The following TIGD6 variants were observed in gnomAD, a reference collection of about 807,000 sequenced individuals.
TIGD6 encodes the protein tigger transposable element-derived protein 6.
A neutral mutation model predicts 2.6 loss-of-function variants in TIGD6; 1 was observed. The observed-to-expected ratio is 0.39, with a 90% CI of 0.14 to 1.85. The LOEUF is 1.85. Among genes scored for constraint, TIGD6 ranks in the 40% most tolerant of loss-of-function variants. TIGD6 has a pLI of 0.32. For synonymous variants in TIGD6, 193 were observed against 221.9 expected, an observed-to-expected ratio of 0.87 and a Z score of 1.16; for missense variants, 601 against 634.2, an observed-to-expected ratio of 0.95 and a Z score of 0.56.
intron 1 of TIGD6, among the ~76,000 whole-genome samples, chr5:149,997,367 G>A (rs562885747): frequency 1.5e-4 from 23 of 152,056 alleles, no homozygotes; most frequent in African/African-American, 2.4e-4. Context: ...GCGAAACTCC[G>A]ATTCTACTAA....
In TIGD6 at chr5:149,995,371, G is replaced by A. The variant is rs1192462284; in HGVS notation, c.978C>T (p.Tyr326=). The A allele has an allele frequency of 6.2e-7, 1 of 1,614,202 alleles. No homozygotes were observed. The highest frequency in any genetic ancestry group is 1.3e-5 in the African/African-American group (1 of 75,042). The part of the protein sequence containing the change: ...LGIIHTMKVL[Y]QSHLLKQILL... ...GGATCTGTTTTAGAAGGTGGCTCTG[G>A]TACAGTACTTTCATGGTGTGAATTA... The change falls in exon 2 of 2, where the codon TAC becomes TAT. Residue 326 remains tyrosine (Y), a synonymous_variant. Coordinates refer to ENST00000296736, the MANE Select transcript of TIGD6 (RefSeq NM_030953.4).
Position 149,994,688 on chromosome 5 carries a change from G to T in TIGD6, c.*95C>A. 1 of 1,227,778 alleles carries T rather than the reference G, an allele frequency of 8.1e-7. No homozygotes were observed. The highest frequency in any genetic ancestry group is 1.5e-5 in the African/African-American group (1 of 65,792). The allele number at this position is 1,227,778 out of a possible 1,614,324, so 76.1% of individuals were successfully genotyped here. A position where few individuals can be genotyped will look rare whatever the true frequency, so the allele number is the denominator to read the frequency against. ...GGCTATTTCAGAGTACTGGAATGTT[G>T]TCACAATAACATTGCTTTACTTAAA... On this transcript the variant is annotated 3_prime_UTR_variant, in exon 2 of 2. Coordinates refer to ENST00000296736, the MANE Select transcript of TIGD6 (RefSeq NM_030953.4).
chr5:149,994,808 AT>A lies in TIGD6; in HGVS notation c.1540del (p.Ile514LeufsTer22), dbSNP rs1755336197. The A allele has an allele frequency of 1.3e-6, 2 of 1,527,490 alleles. No individual in the cohort carries two copies. Among genetic ancestry groups the A allele is most frequent in the Non-Finnish European group, 1.8e-6 (2 of 1,138,012 alleles). 94.6% of individuals were successfully genotyped at this position (1,527,490 alleles called of 1,614,324 possible). ...TTATTTTGTTTGGAGGAAATCTGTA[AT>A]TTTGGAATCAATAAGGGTTTGTGTC... is the stretch of plus-strand genomic sequence containing the variant. ...RVTQTLIDSK[I>X]TDFLQTK On this transcript the variant is annotated frameshift_variant, in exon 2 of 2. Transcript: ENST00000296736. LOFTEE classifies it high-confidence loss of function.
Position 149,995,987 on chromosome 5 carries a change from A to C in TIGD6, c.362T>G (p.Val121Gly). Residue 121 changes from valine (V) to glycine (G), a missense_variant, in exon 2 of 2, where the codon GTG (valine) becomes GGG (glycine). Transcript: ENST00000296736. ...MLGYDNFQAS[V>G]GWLNRFRDRH... is the part of the protein sequence containing the mutation. ...ATCTCTAAATCTGTTCAGCCAGCCC[A>C]CACTTGCTTGAAAATTGTCATAGCC... 1.2e-6 allele frequency: 2 copies of C among 1,611,182 alleles called. No homozygotes were observed. The highest frequency in any genetic ancestry group is 1.7e-6 in the Non-Finnish European group (2 of 1,180,026).
rs1485358322 is a variant in TIGD6, at chr5:150,000,620, G to C, written c.-228C>G. 6.5e-6 allele frequency: 1 copy of C among 154,674 alleles called. No individual in the cohort carries two copies. 9.6% of individuals were successfully genotyped at this position (154,674 alleles called of 1,614,324 possible). ...CGCTCCAAGCCTTTGAGCAGTTCGTGTGGGTCCGCTCCCAAGCTAGGGCTG... is the reference window on the plus strand; with the variant it reads ...CGCTCCAAGCCTTTGAGCAGTTCGTCTGGGTCCGCTCCCAAGCTAGGGCTG... On this transcript the variant is annotated 5_prime_UTR_variant, in exon 1 of 2. Coordinates refer to ENST00000296736, the MANE Select transcript of TIGD6 (RefSeq NM_030953.4).
At chr5:149,998,255 G>T (rs552159160) in intron 1 of TIGD6, among the ~76,000 whole-genome samples, 1 of 152,332 alleles carries the variant, frequency 6.6e-6, no homozygotes, top group African/African-American at 2.4e-5. Flanking sequence ...GGATCAAAGA[G>T]GCAAAGAGAC....
Position 149,993,877 on chromosome 5 carries a change from A to G in TIGD6, c.*906T>C, listed in dbSNP as rs1755316821. Reference sequence around the variant, plus strand: ...GTTATAATCATGCCTGTGAATAACCACTGCATTCCAGCCTAGGCAATATAA... The same window carrying G: ...GTTATAATCATGCCTGTGAATAACCGCTGCATTCCAGCCTAGGCAATATAA... On this transcript the variant is annotated 3_prime_UTR_variant, in exon 2 of 2. Transcript: ENST00000296736. 1 of 152,284 alleles carries G rather than the reference A, an allele frequency of 6.6e-6. No homozygotes were observed. 9.4% of individuals were successfully genotyped at this position (152,284 alleles called of 1,614,324 possible). A position where few individuals can be genotyped will look rare whatever the true frequency, so the allele number is the denominator to read the frequency against.
chr5:149,999,035 A>G (rs549373535), intron 1 of TIGD6, among the ~76,000 whole-genome samples: 1 of 152,352 alleles, frequency 6.6e-6, no homozygotes, highest in South Asian at 2.1e-4. Flanking sequence ...AATATTTAAC[A>G]TGAAAGGCAA....
rs1433894106 is a variant in TIGD6 at position 149,993,847 on chromosome 5, A to C, written c.*936T>G. 6.6e-6 allele frequency: 1 copy of C among 152,292 alleles called. No individual in the cohort carries two copies. Among genetic ancestry groups the C allele is most frequent in the East Asian group, 1.9e-4 (1 of 5,200 alleles). The allele number at this position is 152,292 out of a possible 1,614,324, so 9.4% of individuals were successfully genotyped here. On this transcript the variant is annotated 3_prime_UTR_variant, in exon 2 of 2. Transcript: ENST00000296736. ...CTTGAGGCCAGGAGTTAGAGAGAGTAGTGTGTTATAATCATGCCTGTGAAT... is the reference window on the plus strand; with the variant it reads ...CTTGAGGCCAGGAGTTAGAGAGAGTCGTGTGTTATAATCATGCCTGTGAAT...
At position 149,995,743 on chromosome 5, in the gene TIGD6, C is replaced by T. The variant is rs750803658; in HGVS notation, c.606G>A (p.Gly202=). ...TLAAKGDHCR[G]GKKAKQRLTA... is the part of the protein sequence containing the mutation. ...TCAACCGCTGCTTTGCTTTCTTGCC[C>T]CCTCTACAGTGGTCTCCTTTAGCAG... is the stretch of plus-strand genomic sequence containing the variant. Residue 202 remains glycine, a synonymous_variant, in exon 2 of 2, where the codon GGG becomes GGA. Transcript: ENST00000296736. 3 of 1,614,220 alleles carry T rather than the reference C, an allele frequency of 1.9e-6. No homozygotes were observed. The highest frequency in any genetic ancestry group is 4.5e-5 in the East Asian group (2 of 44,880).
rs1755350861 is a variant in TIGD6 at position 149,995,110 on chromosome 5, A to T, written c.1239T>A (p.Asn413Lys). The T allele has an allele frequency of 1.9e-6, 3 of 1,614,248 alleles. No homozygotes were observed. Among genetic ancestry groups the T allele is most frequent in the Non-Finnish European group, 2.5e-6 (3 of 1,180,044 alleles). ...HTVAIATCVP[N>K]EVNFQDFVTA... ...TAACAAAGTCCTGGAAATTTACTTC[A>T]TTTGGGACACAGGTGGCAATAGCCA... Residue 413 changes from asparagine to lysine, a missense_variant, in exon 2 of 2, where the codon AAT (asparagine) becomes AAA (lysine). Asn to Lys is a moderately conservative substitution (Grantham distance 94). Coordinates refer to ENST00000296736, the MANE Select transcript of TIGD6 (RefSeq NM_030953.4).
intron 1 of TIGD6, among the ~76,000 whole-genome samples, chr5:149,997,576 C>T (rs1755422438): frequency 6.6e-6 from 1 of 151,806 alleles, no homozygotes; most frequent in South Asian, 2.1e-4. Flanking sequence ...AAAAAACACA[C>T]ACACCGAAAA....
Position 149,996,376 on chromosome 5 carries a change from TA to T in TIGD6, c.-29del. ...CCAGGGAATGAGGGCTGGCCACAAC[TA>T]ACAGGACTGTCTGGTTCCTCCTCGC... On this transcript the variant is annotated 5_prime_UTR_variant, in exon 2 of 2. Transcript: ENST00000296736. 1.3e-6 allele frequency: 2 copies of T among 1,570,882 alleles called. No homozygotes were observed. The highest frequency in any genetic ancestry group is 1.7e-6 in the Non-Finnish European group (2 of 1,160,518).
At position 149,995,544 on chromosome 5, in the gene TIGD6, C is replaced by G; in HGVS notation, c.805G>C (p.Asp269His). Reference sequence around the variant, plus strand: ...CGTTCCGCCCTCTTCATCCTGGCATCCACTTGCATCAGCCACTCATTAAAC... The same window carrying G: ...CGTTCCGCCCTCTTCATCCTGGCATGCACTTGCATCAGCCACTCATTAAAC... ...DLFNEWLMQVDARMKRAERRI... is the reference protein window; with the variant it reads ...DLFNEWLMQVHARMKRAERRI... The change falls in exon 2 of 2, where the codon GAT (aspartate) becomes CAT (histidine). Residue 269 changes from aspartate (D) to histidine (H), a missense_variant. Transcript: ENST00000296736. The G allele has an allele frequency of 1.2e-6, 2 of 1,614,254 alleles. No homozygotes were observed. Among genetic ancestry groups the G allele is most frequent in the South Asian group, 1.1e-5 (1 of 91,088 alleles).
At position 149,995,677 on chromosome 5, in the gene TIGD6, C is replaced by A. The variant is rs758852287; in HGVS notation, c.672G>T (p.Met224Ile). The change falls in exon 2 of 2, where the codon ATG becomes ATT. Residue 224 changes from methionine to isoleucine, a missense_variant. By Grantham distance (10) the Met-to-Ile change is conservative. Coordinates refer to ENST00000296736, the MANE Select transcript of TIGD6 (RefSeq NM_030953.4). ...CTGACCTACCAACAATCAATGGTCT[C>A]ATTTTTTCAGTCCCCGAGGCATTGC... ...FCCNASGTEK[M>I]RPLIVGRSAS... 104 of 1,614,092 alleles carry A rather than the reference C, an allele frequency of 6.4e-5. 1 individual carries two copies. The South Asian group carries it at 1.1e-3, about 17-fold the overall frequency.
Position 149,994,649 on chromosome 5 carries a change from C to G in TIGD6, c.*134G>C. On this transcript the variant is annotated 3_prime_UTR_variant, in exon 2 of 2. Coordinates refer to ENST00000296736, the MANE Select transcript of TIGD6 (RefSeq NM_030953.4). ...ACACACATATTAGTCAAATTCCATT[C>G]AAAGAAGTTTCCTGGCTATTTCAGA... 2.3e-6 allele frequency: 2 copies of G among 857,446 alleles called. No individual in the cohort carries two copies. The highest frequency in any genetic ancestry group is 5.6e-5 in the South Asian group (2 of 35,774). The allele number at this position is 857,446 out of a possible 1,614,324, so 53.1% of individuals were successfully genotyped here. A position where few individuals can be genotyped will look rare whatever the true frequency, so the allele number is the denominator to read the frequency against.
intron 1 of TIGD6, among the ~76,000 whole-genome samples, chr5:149,997,896 G>T (rs1470338724): frequency 6.6e-6 from 1 of 152,146 alleles, no homozygotes; most frequent in African/African-American, 2.4e-5. Context: ...GGGAGGCGGA[G>T]CTTGCAGTGA....
intron 1 of TIGD6, among the ~76,000 whole-genome samples, chr5:149,998,969 G>C (rs1347572760): frequency 6.6e-6 from 1 of 152,186 alleles, no homozygotes; most frequent in Non-Finnish European, 1.5e-5. Flanking sequence ...TTCAAAGAGG[G>C]AATAATATGG....
chr5:149,999,074 C>A (rs1033016934), intron 1 of TIGD6, among the ~76,000 whole-genome samples: 1 of 152,086 alleles, frequency 6.6e-6, no homozygotes, highest in African/African-American at 2.4e-5. Context: ...ATAGAATGTC[C>A]TGGTCAGGAA....
Sources: allele counts gnomAD v4.1 joint callset (sites outside exome capture counted in the v4.1 genomes callset), GRCh38; gene constraint gnomAD v4.1.1; transcripts MANE v1.5; gene names NCBI Gene and HGNC (gene_info 2026-07-23, HGNC 2026-07-21).